Variants in CDH13 observed in about 807,000 individuals in gnomAD.
CDH13 encodes cadherin 13.
In CDH13, 24 loss-of-function variants were observed where a neutral mutation model predicts 63.8. That is an observed-to-expected ratio of 0.38 (90% CI 0.27 to 0.53). The LOEUF is 0.53. CDH13 is among the 20% of genes least tolerant of loss of function. CDH13 has a pLI of 0.85. For synonymous variants in CDH13, 503 were observed against 355.3 expected (o/e 1.42, Z -4.67); for missense variants, 1,049 against 903.1 (o/e 1.16, Z -2.07).
intron 4 of CDH13, among the ~76,000 whole-genome samples, chr16:83,192,508 C>G (rs1377048533): frequency 1.3e-5 from 2 of 152,196 alleles, no homozygotes; most frequent in Non-Finnish European, 2.9e-5. Context: ...AGCTCTCCCT[C>G]CACATGCTCT....
intron 3 of CDH13, among the ~76,000 whole-genome samples, chr16:83,049,253 C>G (rs890906237): frequency 4.7e-5 from 7 of 150,488 alleles, no homozygotes; most frequent in Non-Finnish European, 1.0e-4. Flanking sequence ...CAGCTCCTGG[C>G]TTTATGTATC....
chr16:82,742,411 T>C (rs1270223587), intron 1 of CDH13, among the ~76,000 whole-genome samples: 1 of 152,160 alleles, frequency 6.6e-6, no homozygotes, highest in Non-Finnish European at 1.5e-5. Context: ...TTTAAAGATA[T>C]AATTATGATA....
intron 2 of CDH13, among the ~76,000 whole-genome samples, chr16:82,978,791 C>G (rs955988719): frequency 2.0e-5 from 3 of 152,208 alleles, no homozygotes; most frequent in Non-Finnish European, 4.4e-5. Context: ...GGTTGGAGCC[C>G]CCACACAGAG....
intron 7 of CDH13, among the ~76,000 whole-genome samples, chr16:83,596,179 C>T (rs887303452): frequency 6.6e-6 from 1 of 152,182 alleles, no homozygotes; most frequent in African/African-American, 2.4e-5. Context: ...GATGAGTTCA[C>T]TCACCTAGTG....
intron 6 of CDH13, among the ~76,000 whole-genome samples, chr16:83,469,522 T>A (rs1185882996): frequency 1.3e-5 from 2 of 152,170 alleles, no homozygotes; most frequent in Non-Finnish European, 2.9e-5. Context: ...TCACCTTACA[T>A]CCACGGTGAG....
At chr16:83,084,616 C>T (rs1597302785) in intron 3 of CDH13, among the ~76,000 whole-genome samples, 1 of 152,196 alleles carries the variant, frequency 6.6e-6, no homozygotes, top group African/African-American at 2.4e-5. Context: ...TACCCAGGTG[C>T]AGTGGCTCAT....
chr16:82,794,342 G>C (rs920257344), intron 1 of CDH13, among the ~76,000 whole-genome samples: 1 of 111,888 alleles, frequency 8.9e-6, no homozygotes, highest in South Asian at 4.2e-4. Context: ...AATCATCTTT[G>C]TTGGTCTTAA....
intron 1 of CDH13, among the ~76,000 whole-genome samples, chr16:82,847,985 A>G (rs925100929): frequency 1.8e-4 from 27 of 151,658 alleles, no homozygotes; most frequent in African/African-American, 6.3e-4. Context: ...GTAGAGATGA[A>G]TCTCTAAATT....
intron 2 of CDH13, among the ~76,000 whole-genome samples, chr16:82,929,715 C>A (rs1374094549): frequency 1.4e-5 from 2 of 139,900 alleles, no homozygotes; most frequent in Non-Finnish European, 3.1e-5. Context: ...TGAAAAGAAG[C>A]CCTCACAGAC....
chr16:83,592,619 A>C (rs1347177280), intron 7 of CDH13, among the ~76,000 whole-genome samples: 1 of 152,116 alleles, frequency 6.6e-6, no homozygotes. Context: ...TCAACCGCAA[A>C]TCTATCATTT....
At chr16:83,745,983 T>C (rs1912542666) in intron 10 of CDH13, among the ~76,000 whole-genome samples, 1 of 152,116 alleles carries the variant, frequency 6.6e-6, no homozygotes, top group Admixed American at 6.5e-5. Context: ...GGGTCGCAGC[T>C]CCAAGGTCAG....
chr16:82,916,830 G>T (rs924002603), intron 2 of CDH13, among the ~76,000 whole-genome samples: 1 of 152,132 alleles, frequency 6.6e-6, no homozygotes, highest in Non-Finnish European at 1.5e-5. Context: ...GATAGTTGTG[G>T]AATATATAGC....
At chr16:82,718,019 A>C (rs1324924271) in intron 1 of CDH13, among the ~76,000 whole-genome samples, 1 of 152,216 alleles carries the variant, frequency 6.6e-6, no homozygotes, top group Non-Finnish European at 1.5e-5. Context: ...TTGGGTTCCC[A>C]CAGAAGCAGA....
At chr16:82,646,141 T>C (rs1034536832) in intron 1 of CDH13, 1 of 152,234 alleles carries the variant, frequency 6.6e-6, no homozygotes, top group African/African-American at 2.4e-5. Context: ...CCATCAACCA[T>C]TTGGGCCTTG....
At chr16:83,664,079 C>T (rs1048428996) in intron 8 of CDH13, among the ~76,000 whole-genome samples, 3 of 151,928 alleles carry the variant, frequency 2.0e-5, no homozygotes, top group African/African-American at 7.3e-5. Flanking sequence ...ATCACTTGAG[C>T]CTAAGAAGTC....
intron 2 of CDH13, among the ~76,000 whole-genome samples, chr16:82,862,484 A>G (rs946480025): frequency 6.6e-6 from 1 of 152,218 alleles, no homozygotes; most frequent in Non-Finnish European, 1.5e-5. Flanking sequence ...AGCCTCTATT[A>G]GCAGGGGATG....
intron 5 of CDH13, among the ~76,000 whole-genome samples, chr16:83,311,755 G>T (rs1245965484): frequency 1.3e-5 from 2 of 152,182 alleles, no homozygotes; most frequent in African/African-American, 4.8e-5. Flanking sequence ...TTCCAGCTTG[G>T]ACAAATTCTA....
At chr16:83,111,302 T>C (rs115397541) in intron 3 of CDH13, among the ~76,000 whole-genome samples, 108 of 152,292 alleles carry the variant, frequency 7.1e-4, no homozygotes, top group African/African-American at 2.6e-3. Context: ...AGTGCCATGA[T>C]AGAAGAATGT....
chr16:82,661,467 G>A (rs553667665), intron 1 of CDH13, among the ~76,000 whole-genome samples: 145 of 152,308 alleles, frequency 9.5e-4, no homozygotes, highest in African/African-American at 3.2e-3. Context: ...GGTTGCTGCC[G>A]GCTGGTTCTC....
Sources: allele counts gnomAD v4.1 joint callset (sites outside exome capture counted in the v4.1 genomes callset), GRCh38; gene constraint gnomAD v4.1.1; transcripts MANE v1.5; gene names NCBI Gene and HGNC (gene_info 2026-07-23, HGNC 2026-07-21).